The following CLDN7 variants were observed in gnomAD, a reference collection of about 807,000 sequenced individuals.
CLDN7 encodes the protein claudin 7.
CLDN7 carries 15 observed loss-of-function variants against 20.3 expected under a neutral mutation model. The ratio of observed to expected loss-of-function variants is 0.74; its 90% CI spans 0.49 to 1.14. The LOEUF (loss-of-function observed/expected upper bound fraction) is 1.14, where lower values mean the gene tolerates loss of function less well. CLDN7 is among the 50% of genes most tolerant of loss of function. CLDN7 has a pLI of 0.00. For synonymous variants in CLDN7, 117 were observed against 106.1 expected (o/e 1.10, Z -0.63); for missense variants, 261 against 274.2 (o/e 0.95, Z 0.34).
intron 1 of CLDN7, 46 bp downstream of exon 1, chr17:7,261,775 C>T (rs2072229439): frequency 6.3e-7 from 1 of 1,594,994 alleles, no homozygotes; most frequent in Non-Finnish European, 8.5e-7. Context: ...GCCACCCCGC[C>T]ACCTCGGTCA....
intron 1 of CLDN7, 63 bp from the exon 2 acceptor site, chr17:7,261,048 C>T (rs1306009597): frequency 1.3e-6 from 2 of 1,522,384 alleles, no homozygotes; most frequent in East Asian, 4.8e-5. Context: ...GCCTTCGTGC[C>T]GCCGGCCGCG....
chr17:7,262,478 C>G lies in CLDN7; in HGVS notation c.-435G>C. Reference sequence around the variant, plus strand: ...TCGGAGGTGAGCCAGCAGGTGCGGGCGGACAGGTGGGGCGCACCTGAGTAT... The same window carrying G: ...TCGGAGGTGAGCCAGCAGGTGCGGGGGGACAGGTGGGGCGCACCTGAGTAT... On this transcript the variant is annotated 5_prime_UTR_variant, in exon 1 of 4. Coordinates refer to ENST00000360325, the MANE Select transcript of CLDN7 (RefSeq NM_001307.6). The surrounding 1 kb of genome is among the most constrained non-coding windows in gnomAD (Gnocchi z 6.6). The G allele has an allele frequency of 2.1e-6, 2 of 943,146 alleles. No individual in the cohort carries two copies. The highest frequency in any genetic ancestry group is 2.6e-6 in the Non-Finnish European group (2 of 781,964). The allele number at this position is 943,146 out of a possible 1,614,324, so 58.4% of individuals were successfully genotyped here. A position where few individuals can be genotyped will look rare whatever the true frequency, so the allele number is the denominator to read the frequency against.
chr17:7,261,631 G>T lies in CLDN7; in HGVS notation c.223+190C>A, dbSNP rs564460993. ...AGAGGAACGTGGGCGACCGAGGTGC[G>T]CGCCCACGTGCAGCCGCCGGAACCC... On this transcript the variant is annotated intron_variant, in intron 1 of 3. Transcript: ENST00000360325. Among the ~76,000 whole-genome samples, 440 of 152,224 alleles carry T rather than the reference G, an allele frequency of 2.9e-3. 1 individual carries two copies. The highest frequency in any genetic ancestry group is 4.0e-3 in the Non-Finnish European group (269 of 67,962).
chr17:7,260,719 G>A lies in CLDN7; in HGVS notation c.396C>T (p.Ala132=), dbSNP rs145020937. 43 of 1,614,194 alleles carry A rather than the reference G, an allele frequency of 2.7e-5. No homozygotes were observed. In the African/African-American group the frequency reaches 5.3e-4, roughly 20 times the overall value. The change falls in exon 3 of 4, where the codon GCC becomes GCT. Residue 132 remains alanine (A), a synonymous_variant. Transcript: ENST00000360325. The part of the protein sequence containing the change: ...GGIIFIVAGL[A]ALVACSWYGH... ...CATACCAGGAGCAAGCTACCAAGGC[G>A]GCAAGACCTGGAGACAGAATGAGGG... is the stretch of plus-strand genomic sequence containing the variant.
Position 7,260,223 on chromosome 17 carries a change from CAA to C in CLDN7, c.*149_*150del. 1.5e-6 allele frequency: 1 copy of C among 674,188 alleles called. No individual in the cohort carries two copies. Among genetic ancestry groups the C allele is most frequent in the East Asian group, 3.5e-5 (1 of 28,848 alleles). 41.8% of individuals were successfully genotyped at this position (674,188 alleles called of 1,614,324 possible). On this transcript the variant is annotated 3_prime_UTR_variant, in exon 4 of 4. Coordinates refer to ENST00000360325, the MANE Select transcript of CLDN7 (RefSeq NM_001307.6). ...CCCACCAACGGCACCCCCCCACCCCCAACCCAAGAGGACTATACATGGAGTGC... is the reference window on the plus strand; with the variant it reads ...CCCACCAACGGCACCCCCCCACCCCCCCCAAGAGGACTATACATGGAGTGC...
At chr17:7,261,686 C>CCCCCCCCCCCCCCCA in intron 1 of CLDN7, 135 bp downstream of exon 1, 1 of 797,984 alleles carries the variant, frequency 1.3e-6, no homozygotes, top group Non-Finnish European at 1.8e-6. Context: ...CCCGCCGCCC[C>CCCCCCCCCCCCCCCA]CAGCCGACCA....
chr17:7,262,545 C>G (rs547557100), upstream of CLDN7: 246 of 308,116 alleles, frequency 8.0e-4, 2 homozygotes, highest in African/African-American at 5.3e-3. The surrounding 1 kb of genome is among the most constrained non-coding windows in gnomAD (Gnocchi z 6.6). Context: ...CCCGGGAGCG[C>G]GGGAGGGGGA....
rs1381619953 is a variant in CLDN7, at chr17:7,262,086, C to G, written c.-43G>C. 6.4e-7 allele frequency: 1 copy of G among 1,565,014 alleles called. No individual in the cohort carries two copies. ...ACTGGGGGCGCCGGGCGGGGAGACC[C>G]TACAGTAAAACAAACGACACTTGGG... is the stretch of plus-strand genomic sequence containing the variant. On this transcript the variant is annotated 5_prime_UTR_variant, in exon 1 of 4. Coordinates refer to ENST00000360325, the MANE Select transcript of CLDN7 (RefSeq NM_001307.6). The surrounding 1 kb of genome is among the most constrained non-coding windows in gnomAD (Gnocchi z 6.6).
chr17:7,261,453 G>GCGCGCCCCGTGCCC (rs1046750428), intron 1 of CLDN7, among the ~76,000 whole-genome samples: 1 of 152,154 alleles, frequency 6.6e-6, no homozygotes, highest in Non-Finnish European at 1.5e-5. Context: ...TCGGCCCTCG[G>GCGCGCCCCGTGCCC]CGCGCCCCGT....
At position 7,260,225 on chromosome 17, in the gene CLDN7, A is replaced by G. The variant is rs1393634741; in HGVS notation, c.*149T>C. On this transcript the variant is annotated 3_prime_UTR_variant, in exon 4 of 4. Coordinates refer to ENST00000360325, the MANE Select transcript of CLDN7 (RefSeq NM_001307.6). ...CACCAACGGCACCCCCCCACCCCCA[A>G]CCCAAGAGGACTATACATGGAGTGC... 3.0e-6 allele frequency: 2 copies of G among 670,912 alleles called. No individual in the cohort carries two copies. The highest frequency in any genetic ancestry group is 4.5e-6 in the Non-Finnish European group (2 of 441,622). The allele number at this position is 670,912 out of a possible 1,614,324, so 41.6% of individuals were successfully genotyped here.
rs1035782629 is a variant in CLDN7 at position 7,260,211 on chromosome 17, C to A, written c.*163G>T. Reference sequence around the variant, plus strand: ...CTTTTTGTCTCTCCCACCAACGGCACCCCCCCACCCCCAACCCAAGAGGAC... The same window carrying A: ...CTTTTTGTCTCTCCCACCAACGGCAACCCCCCACCCCCAACCCAAGAGGAC... On this transcript the variant is annotated 3_prime_UTR_variant, in exon 4 of 4. Transcript: ENST00000360325. 3 of 539,084 alleles carry A rather than the reference C, an allele frequency of 5.6e-6. No homozygotes were observed. The highest frequency in any genetic ancestry group is 3.5e-5 in the Admixed American group (1 of 28,444). 33.4% of individuals were successfully genotyped at this position (539,084 alleles called of 1,614,324 possible).
chr17:7,261,738 C>A, intron 1 of CLDN7, 83 bp downstream of exon 1: 4 of 1,462,324 alleles, frequency 2.7e-6, no homozygotes, highest in East Asian at 2.4e-5. Context: ...GGGCCCCCAG[C>A]CGTGGGGCCT....
rs151076113 is a variant in CLDN7, at chr17:7,260,677, T to C, written c.438A>G (p.Thr146=). The C allele has an allele frequency of 1.2e-5, 19 of 1,614,054 alleles. No individual in the cohort carries two copies. In the Admixed American group the frequency reaches 1.5e-4, roughly 13 times the overall value. The change falls in exon 3 of 4, where the codon ACA becomes ACG. Residue 146 remains threonine, a synonymous_variant. Coordinates refer to ENST00000360325, the MANE Select transcript of CLDN7 (RefSeq NM_001307.6). The stretch of plus-strand genomic sequence containing the variant: ...TAGGGATCAAAGGGTTATAAAAGTC[T>C]GTGACAATCTGATGGCCATACCAGG... ...ACSWYGHQIV[T]DFYNPLIPTN...
intron 1 of CLDN7, 103 bp downstream of exon 1, chr17:7,261,718 C>T (rs2072226977): frequency 1.6e-6 from 2 of 1,255,966 alleles, no homozygotes; most frequent in Non-Finnish European, 2.2e-6. Context: ...TGCAGCTCCC[C>T]GGCAACCCAG....
intron 1 of CLDN7, 108 bp from the exon 2 acceptor site, chr17:7,261,093 G>C: frequency 1.4e-6 from 2 of 1,426,844 alleles, no homozygotes; most frequent in African/African-American, 1.4e-5. Flanking sequence ...GTCCGGCGCC[G>C]TGTTCTGCCG....
rs770537639 is a variant in CLDN7, at chr17:7,261,809, C to T, written c.223+12G>A. 2.1e-5 allele frequency: 34 copies of T among 1,610,806 alleles called. No homozygotes were observed. In the Middle Eastern group the frequency reaches 4.9e-4, roughly 23 times the overall value. On this transcript the variant is annotated intron_variant, in intron 1 of 3. Coordinates refer to ENST00000360325, the MANE Select transcript of CLDN7 (RefSeq NM_001307.6). ...CAAGGGCGCGTCCGCCCCGTCGGTCCCGCGGCCTTACCGGACAGGGCGAGC... is the reference window on the plus strand; with the variant it reads ...CAAGGGCGCGTCCGCCCCGTCGGTCTCGCGGCCTTACCGGACAGGGCGAGC...
chr17:7,260,430 C>G lies in CLDN7; in HGVS notation c.580G>C (p.Gly194Arg), dbSNP rs765708269. The change falls in exon 4 of 4, where the codon GGG becomes CGG. Residue 194 changes from glycine to arginine, a missense_variant. By Grantham distance (125) the Gly-to-Arg change is moderately radical. Transcript: ENST00000360325. ...CSCPGNESKAGYRVPRSYPKS... is the reference protein window; with the variant it reads ...CSCPGNESKARYRVPRSYPKS... ...GGGTAAGAGCGGGGTACACGGTACCCAGCCTTGCTCTCATTCCCAGGACAG... is the reference window on the plus strand; with the variant it reads ...GGGTAAGAGCGGGGTACACGGTACCGAGCCTTGCTCTCATTCCCAGGACAG... 6.2e-7 allele frequency: 1 copy of G among 1,613,854 alleles called. No individual in the cohort carries two copies. The highest frequency in any genetic ancestry group is 1.3e-5 in the African/African-American group (1 of 74,920).
chr17:7,261,687 C>CCCCCCCCCCCCCCA, intron 1 of CLDN7, 134 bp downstream of exon 1: 2 of 805,936 alleles, frequency 2.5e-6, no homozygotes. Flanking sequence ...CCGCCGCCCC[C>CCCCCCCCCCCCCCA]AGCCGACCAC....
chr17:7,260,771 G>GC (rs756267361), intron 2 of CLDN7, 45 bp from the exon 3 acceptor site: 2 of 1,614,196 alleles, frequency 1.2e-6, no homozygotes, highest in South Asian at 1.1e-5. Context: ...CCCCAAATGG[G>GC]CGCCTTGCCC....
Sources: allele counts gnomAD v4.1 joint callset (sites outside exome capture counted in the v4.1 genomes callset), GRCh38; gene constraint gnomAD v4.1.1; non-coding constraint Gnocchi (gnomAD v3.1); transcripts MANE v1.5; gene names NCBI Gene and HGNC (gene_info 2026-07-23, HGNC 2026-07-21).